Variants in IHO1 observed in about 807,000 individuals in gnomAD.
IHO1 encodes interactor of HORMAD1 protein 1.
Under a neutral mutation model 31.0 loss-of-function variants are expected in IHO1, and 13 were observed. The ratio of observed to expected loss-of-function variants is 0.42; its 90% confidence interval spans 0.27 to 0.67. The LOEUF (loss-of-function observed/expected upper bound fraction) is 0.67, where lower values mean the gene tolerates loss of function less well. IHO1 is among the 30% of genes least tolerant of loss of function. The pLI is 0.24. For synonymous variants in IHO1, 221 were observed against 248.4 expected (o/e 0.89, Z 1.04); for missense variants, 599 against 687.5 (o/e 0.87, Z 1.44).
intron 4 of IHO1, among the ~76,000 whole-genome samples, chr3:49,243,540 C>T (rs933693494): frequency 8.6e-5 from 13 of 151,556 alleles, no homozygotes; most frequent in African/African-American, 1.2e-4. Flanking sequence ...AGGCGGATCA[C>T]GAGGTCAGGA....
At chr3:49,191,830 CA>C in the IHO1 span, 1 of 1,506,870 alleles carries the variant, frequency 6.6e-7, no homozygotes, top group East Asian at 2.5e-5. Context: ...AGGGTATCTT[CA>C]GGAAAGAGAA....
intron 2 of IHO1, among the ~76,000 whole-genome samples, chr3:49,215,885 G>C (rs545758403): frequency 7.9e-5 from 12 of 152,158 alleles, no homozygotes; most frequent in Admixed American, 3.9e-4. Context: ...GCTTTAACAG[G>C]AGAAGGGTCA....
chr3:49,251,784 T>C (rs1278266093), intron 6 of IHO1, among the ~76,000 whole-genome samples: 1 of 152,014 alleles, frequency 6.6e-6, no homozygotes, highest in South Asian at 2.1e-4. Context: ...GTATTTTTAG[T>C]AGAGACGGGG....
chr3:49,255,505 C>G lies in IHO1; in HGVS notation c.636+12C>G. On this transcript the variant is annotated intron_variant, in intron 7 of 7. Transcript: ENST00000452691. Reference sequence around the variant, plus strand: ...AAAGATTTGAAGCTGTAAGTGTAAACCCCAACCTCTTTCTAAGTGTGTTTT... The same window carrying G: ...AAAGATTTGAAGCTGTAAGTGTAAAGCCCAACCTCTTTCTAAGTGTGTTTT... 6.5e-7 allele frequency: 1 copy of G among 1,541,136 alleles called. No homozygotes were observed. The highest frequency in any genetic ancestry group is 8.8e-7 in the Non-Finnish European group (1 of 1,138,864).
chr3:49,243,111 T>C (rs1322758430), intron 4 of IHO1, among the ~76,000 whole-genome samples: 1 of 152,066 alleles, frequency 6.6e-6, no homozygotes, highest in Non-Finnish European at 1.5e-5. Flanking sequence ...TCCATGAGTT[T>C]TCATCATACA....
intron 2 of IHO1, among the ~76,000 whole-genome samples, chr3:49,212,070 A>C (rs904396594): frequency 6.7e-6 from 1 of 149,150 alleles, no homozygotes; most frequent in African/African-American, 2.5e-5. Context: ...AGGCTGAGGT[A>C]GGAGAATGGC....
intron 1 of IHO1, among the ~76,000 whole-genome samples, chr3:49,209,013 T>C (rs1434350261): frequency 1.3e-5 from 2 of 149,910 alleles, no homozygotes; most frequent in African/African-American, 4.9e-5. Context: ...AGGACATCTT[T>C]CTTCTGGTTG....
At chr3:49,210,110 C>A (rs1324470303) in intron 1 of IHO1, among the ~76,000 whole-genome samples, 1 of 150,936 alleles carries the variant, frequency 6.6e-6, no homozygotes, top group African/African-American at 2.4e-5. Flanking sequence ...TTTACAGAAG[C>A]CTTGAATTCC....
chr3:49,249,754 C>A (rs2046738272), intron 6 of IHO1, among the ~76,000 whole-genome samples: 1 of 152,158 alleles, frequency 6.6e-6, no homozygotes, highest in African/African-American at 2.4e-5. Flanking sequence ...GAAAGTGTGA[C>A]CAGCCAGTGA....
At chr3:49,253,869 T>C (rs1181480243) in intron 6 of IHO1, among the ~76,000 whole-genome samples, 1 of 143,766 alleles carries the variant, frequency 7.0e-6, no homozygotes, top group African/African-American at 2.6e-5. Context: ...AGTCTCGCTC[T>C]GTCACCCAGG....
At chr3:49,244,946 C>T (rs1364930725) in intron 6 of IHO1, 3 of 616,024 alleles carry the variant, frequency 4.9e-6, no homozygotes, top group African/African-American at 3.6e-5. Flanking sequence ...CCCATGATGC[C>T]TTTTGTGAGG....
chr3:49,217,729 G>C (rs1285925134), intron 2 of IHO1, among the ~76,000 whole-genome samples: 1 of 152,154 alleles, frequency 6.6e-6, no homozygotes, highest in East Asian at 1.9e-4. Flanking sequence ...CAACTAGACG[G>C]TCCCATTTGT....
At chr3:49,237,621 C>CCTTAGTCATATGTATATATGA (rs1380843110) in intron 3 of IHO1, among the ~76,000 whole-genome samples, 166 of 151,390 alleles carry the variant, frequency 1.1e-3, no homozygotes, top group Non-Finnish European at 2.2e-3. Context: ...TATATATTTG[C>CCTTAGTCATATGTATATATGA]CTAAGGCTAG....
chr3:49,236,621 G>C lies in IHO1; in HGVS notation c.130G>C (p.Gly44Arg), dbSNP rs913839871. 2 of 1,613,412 alleles carry C rather than the reference G, an allele frequency of 1.2e-6. No homozygotes were observed. The highest frequency in any genetic ancestry group is 1.7e-6 in the Non-Finnish European group (2 of 1,179,572). The part of the protein sequence containing the change: ...SSLSDSQFLF[G>R]SQFCPENSET... The stretch of plus-strand genomic sequence containing the variant: ...TCTCAGTGATTCCCAGTTCCTCTTT[G>C]GATCTCAGTTCTGTCCAGAAAATTC... Residue 44 changes from glycine to arginine, a missense_variant, in exon 3 of 8, where the codon GGA (glycine) becomes CGA (arginine). Physicochemically the swap from Gly to Arg is moderately radical, Grantham distance 125. Coordinates refer to ENST00000452691, the MANE Select transcript of IHO1 (RefSeq NM_001135197.2).
At chr3:49,243,425 G>A (rs2107729286) in intron 4 of IHO1, among the ~76,000 whole-genome samples, 1 of 152,140 alleles carries the variant, frequency 6.6e-6, no homozygotes, top group South Asian at 2.1e-4. Context: ...GATTACAGGT[G>A]TAAGCCACCA....
At chr3:49,242,088 C>T (rs921263278) in intron 4 of IHO1, among the ~76,000 whole-genome samples, 15 of 151,850 alleles carry the variant, frequency 9.9e-5, no homozygotes, top group African/African-American at 2.2e-4. Flanking sequence ...GGATCACAAG[C>T]GCATGCCAGC....
intron 2 of IHO1, chr3:49,228,338 T>G: frequency 2.2e-6 from 1 of 447,568 alleles, no homozygotes; most frequent in South Asian, 1.6e-5. Context: ...CTCCGAAGAG[T>G]CAGGGGTTGT....
Position 49,227,484 on chromosome 3 carries a change from G to A in IHO1, c.57-9064G>A, listed in dbSNP as rs141416761. ...TTGGAATATTGCACTCACCGACGCA[G>A]CAGCAGAAACAGTAGTTTTCCTCCT... On this transcript the variant is annotated intron_variant, in intron 2 of 7. Coordinates refer to ENST00000452691, the MANE Select transcript of IHO1 (RefSeq NM_001135197.2). Among the ~76,000 whole-genome samples, 5 of 152,314 alleles carry A rather than the reference G, an allele frequency of 3.3e-5. No homozygotes were observed. The East Asian group carries it at 9.6e-4, about 29-fold the overall frequency.
At chr3:49,219,997 C>T (rs2046334325) in intron 2 of IHO1, among the ~76,000 whole-genome samples, 1 of 152,170 alleles carries the variant, frequency 6.6e-6, no homozygotes, top group African/African-American at 2.4e-5. Flanking sequence ...AAAAGAGTGG[C>T]CTGAGCCTCC....
Sources: allele counts gnomAD v4.1 joint callset (sites outside exome capture counted in the v4.1 genomes callset), GRCh38; gene constraint gnomAD v4.1.1; transcripts MANE v1.5; gene names NCBI Gene and HGNC (gene_info 2026-07-23, HGNC 2026-07-21).